Variants in RALYL observed in about 807,000 individuals in gnomAD.
RALYL encodes the protein RNA-binding Raly-like protein.
Under a neutral mutation model 35.1 loss-of-function variants are expected in RALYL, and 29 were observed. The ratio of observed to expected loss-of-function variants is 0.83; its 90% CI spans 0.61 to 1.13. RALYL has a LOEUF of 1.13. RALYL is among the 50% of genes most tolerant of loss of function. RALYL has a pLI of 0.00. For synonymous variants in RALYL, 120 were observed against 127.6 expected, an observed-to-expected ratio of 0.94 and a Z score of 0.40; for missense variants, 359 against 360.4, an observed-to-expected ratio of 1.00 and a Z score of 0.03.
At chr8:84,532,227 G>T (rs1347202644) in intron 2 of RALYL, among the ~76,000 whole-genome samples, 1 of 151,608 alleles carries the variant, frequency 6.6e-6, no homozygotes, top group African/African-American at 2.4e-5. Context: ...CGGTTTTTTT[G>T]TTTGTTTGTT....
chr8:84,284,115 G>C (rs369547375), intron 1 of RALYL, among the ~76,000 whole-genome samples: 1 of 152,106 alleles, frequency 6.6e-6, no homozygotes, highest in African/African-American at 2.4e-5. Context: ...AGTTGACAAA[G>C]TAGTCTTTAG....
chr8:84,833,381 T>C (rs1262849199), intron 4 of RALYL, among the ~76,000 whole-genome samples: 1 of 152,182 alleles, frequency 6.6e-6, no homozygotes, highest in African/African-American at 2.4e-5. Flanking sequence ...CTCATGCCTG[T>C]AATCCCAGCA....
At chr8:84,591,097 T>C (rs1318550971) in intron 2 of RALYL, among the ~76,000 whole-genome samples, 1 of 152,192 alleles carries the variant, frequency 6.6e-6, no homozygotes, top group Non-Finnish European at 1.5e-5. Flanking sequence ...GTGAAATTAA[T>C]ACAGGATAGT....
chr8:84,474,771 T>G (rs2133774705), intron 1 of RALYL, among the ~76,000 whole-genome samples: 1 of 152,290 alleles, frequency 6.6e-6, no homozygotes, highest in East Asian at 1.9e-4. Context: ...TTATTTAGAC[T>G]AAATTTTGTG....
At chr8:84,856,800 G>T (rs367862750) in intron 5 of RALYL, among the ~76,000 whole-genome samples, 1 of 151,090 alleles carries the variant, frequency 6.6e-6, no homozygotes, top group East Asian at 1.9e-4. Flanking sequence ...AGGCCGAGGC[G>T]GGTGGATCAT....
intron 3 of RALYL, among the ~76,000 whole-genome samples, chr8:84,780,152 T>C (rs990620315): frequency 2.6e-5 from 4 of 152,154 alleles, no homozygotes; most frequent in African/African-American, 9.7e-5. Flanking sequence ...TTCCTTCCAT[T>C]TCACCTACCC....
At chr8:84,632,498 G>C (rs577604871) in intron 2 of RALYL, among the ~76,000 whole-genome samples, 1 of 151,920 alleles carries the variant, frequency 6.6e-6, no homozygotes, top group South Asian at 2.1e-4. Context: ...ATCTTTGATT[G>C]TGGCAATTAA....
intron 1 of RALYL, among the ~76,000 whole-genome samples, chr8:84,199,918 T>C (rs1816420776): frequency 6.6e-6 from 1 of 152,214 alleles, no homozygotes; most frequent in Non-Finnish European, 1.5e-5. Context: ...AAAGAACTTA[T>C]CTCTGCCAAT....
intron 2 of RALYL, among the ~76,000 whole-genome samples, chr8:84,593,117 A>T (rs1813666078): frequency 6.6e-6 from 1 of 152,032 alleles, no homozygotes; most frequent in African/African-American, 2.4e-5. Context: ...TATCTTTTTA[A>T]TCTTTGTATA....
intron 2 of RALYL, among the ~76,000 whole-genome samples, chr8:84,739,383 A>G (rs1022039224): frequency 6.6e-6 from 1 of 151,876 alleles, no homozygotes; most frequent in Admixed American, 6.6e-5. Flanking sequence ...ATTAATGTCA[A>G]ATAGAAACAT....
chr8:84,273,874 C>T (rs758353093), intron 1 of RALYL, among the ~76,000 whole-genome samples: 1 of 152,150 alleles, frequency 6.6e-6, no homozygotes, highest in Non-Finnish European at 1.5e-5. Flanking sequence ...ATCATGCTCC[C>T]GTGTAAATTG....
chr8:84,727,987 C>T (rs946358975), intron 2 of RALYL, among the ~76,000 whole-genome samples: 1 of 151,698 alleles, frequency 6.6e-6, no homozygotes, highest in African/African-American at 2.4e-5. Context: ...GGGTATATAC[C>T]CAGTAATGGG....
chr8:84,312,517 A>T (rs1469486891), intron 1 of RALYL, among the ~76,000 whole-genome samples: 1 of 152,200 alleles, frequency 6.6e-6, no homozygotes, highest in African/African-American at 2.4e-5. Context: ...TACTTCCTAG[A>T]TACAGTGGGG....
intron 2 of RALYL, among the ~76,000 whole-genome samples, chr8:84,629,268 C>T (rs1439295876): frequency 2.0e-5 from 3 of 152,016 alleles, no homozygotes; most frequent in African/African-American, 7.2e-5. Flanking sequence ...GTATCTCCTT[C>T]ACCTAGATAG....
intron 8 of RALYL, among the ~76,000 whole-genome samples, chr8:84,901,542 G>A (rs1845686377): frequency 6.6e-6 from 1 of 152,090 alleles, no homozygotes; most frequent in Non-Finnish European, 1.5e-5. Context: ...AGAATGCTTT[G>A]GCCATGAGAT....
At chr8:84,506,346 A>T (rs559528095) in intron 1 of RALYL, among the ~76,000 whole-genome samples, 1 of 151,548 alleles carries the variant, frequency 6.6e-6, no homozygotes, top group South Asian at 2.1e-4. Context: ...AACCAAGGCC[A>T]CCTGATTCCA....
chr8:84,655,268 G>T (rs1425071027), intron 2 of RALYL, among the ~76,000 whole-genome samples: 1 of 151,306 alleles, frequency 6.6e-6, no homozygotes, highest in Admixed American at 6.6e-5. Flanking sequence ...CAGATCTTTT[G>T]CCCCTTTTTA....
intron 5 of RALYL, among the ~76,000 whole-genome samples, chr8:84,853,920 T>C (rs1324200426): frequency 2.0e-5 from 3 of 151,844 alleles, no homozygotes; most frequent in South Asian, 2.1e-4. Flanking sequence ...CTCTGGGAGG[T>C]GAGCATGAAA....
At chr8:84,285,205 C>T (rs529980134) in intron 1 of RALYL, among the ~76,000 whole-genome samples, 1 of 152,144 alleles carries the variant, frequency 6.6e-6, no homozygotes, top group Non-Finnish European at 1.5e-5. Context: ...GTAGCTCTAA[C>T]AAAACCTGTA....
Sources: allele counts gnomAD v4.1 joint callset (sites outside exome capture counted in the v4.1 genomes callset), GRCh38; gene constraint gnomAD v4.1.1; transcripts MANE v1.5; gene names NCBI Gene and HGNC (gene_info 2026-07-23, HGNC 2026-07-21).